Variants in ZDHHC13 observed in about 807,000 individuals in gnomAD.
ZDHHC13 encodes the protein zDHHC palmitoyltransferase 13, also known as palmitoyltransferase ZDHHC13.
In ZDHHC13, 85 loss-of-function variants were observed where a neutral mutation model predicts 86.0. The observed-to-expected ratio is 0.99, with a 90% CI of 0.83 to 1.18. The LOEUF (loss-of-function observed/expected upper bound fraction) is 1.18. Among genes scored for constraint, ZDHHC13 ranks in the 50% most tolerant of loss-of-function variants. ZDHHC13 has a pLI of 0.00. For synonymous variants in ZDHHC13, 263 were observed against 246.4 expected (o/e 1.07, Z -0.63); for missense variants, 711 against 730.2 (o/e 0.97, Z 0.30).
At chr11:19,168,786 T>A (rs1429763184) in intron 14 of ZDHHC13, 1 of 985,204 alleles carries the variant, frequency 1.0e-6, no homozygotes, top group Non-Finnish European at 1.2e-6. Context: ...CAATAGCTGC[T>A]ACTTCTGTAC....
rs1848663709 is a variant in ZDHHC13 at position 19,117,259 on chromosome 11, C to T, written c.10C>T (p.Pro4Ser). 6.6e-7 allele frequency: 1 copy of T among 1,505,226 alleles called. No individual in the cohort carries two copies. Among genetic ancestry groups the T allele is most frequent in the Non-Finnish European group, 8.9e-7 (1 of 1,127,776 alleles). 93.2% of individuals were successfully genotyped at this position (1,505,226 alleles called of 1,614,324 possible). Reference sequence around the variant, plus strand: ...GTGGGCTCCTGGGGAGATGGAGGGGCCGGGGCTGGGCTCGCAGGTGAGTGC... The same window carrying T: ...GTGGGCTCCTGGGGAGATGGAGGGGTCGGGGCTGGGCTCGCAGGTGAGTGC... The part of the protein sequence containing the change: MEG[P>S]GLGSQCRNHS... The change falls in exon 1 of 17, where the codon CCG becomes TCG. Residue 4 changes from proline to serine, a missense_variant. Coordinates refer to ENST00000446113, the MANE Select transcript of ZDHHC13 (RefSeq NM_019028.3). This position sits in a 1 kb window ranked among gnomAD's most constrained non-coding sequence, Gnocchi z 4.2.
chr11:19,138,566 G>A (rs1367040561), intron 1 of ZDHHC13, among the ~76,000 whole-genome samples: 1 of 151,906 alleles, frequency 6.6e-6, no homozygotes, highest in South Asian at 2.1e-4. Flanking sequence ...CATTTTGTGA[G>A]GCCAGCATCA....
chr11:19,147,510 T>G, intron 3 of ZDHHC13, 86 bp from the exon 4 acceptor site: 1 of 1,170,616 alleles, frequency 8.5e-7, no homozygotes, highest in South Asian at 1.5e-5. Context: ...CCAACATATT[T>G]ATTACTATGA....
At chr11:19,171,889 G>T (rs1180786943) in intron 15 of ZDHHC13, among the ~76,000 whole-genome samples, 1 of 152,068 alleles carries the variant, frequency 6.6e-6, no homozygotes, top group Non-Finnish European at 1.5e-5. Context: ...GAGCGCTCTG[G>T]GTAGTCGTGG....
chr11:19,153,904 G>A (rs1430653609), intron 8 of ZDHHC13, among the ~76,000 whole-genome samples: 4 of 151,318 alleles, frequency 2.6e-5, no homozygotes, highest in Non-Finnish European at 5.9e-5. Context: ...TTAGAAAGAC[G>A]GGTTAACTAG....
Position 19,172,747 on chromosome 11 carries a change from C to A in ZDHHC13, c.1657C>A (p.His553Asn). 6.2e-7 allele frequency: 1 copy of A among 1,604,166 alleles called. No homozygotes were observed. Among genetic ancestry groups the A allele is most frequent in the South Asian group, 1.1e-5 (1 of 88,722 alleles). The change falls in exon 16 of 17, where the codon CAT (histidine) becomes AAT (asparagine). Residue 553 changes from histidine (H) to asparagine (N), a missense_variant. Transcript: ENST00000446113. ...GATTGCCTTTCTGGGCCTGACCTCC[C>A]ATGAGAGAATCAGCCTGCAGAAGCA... ...FQIAFLGLTS[H>N]ERISLQKQSK...
intron 1 of ZDHHC13, among the ~76,000 whole-genome samples, chr11:19,128,340 G>A (rs1241893929): frequency 6.6e-6 from 1 of 152,150 alleles, no homozygotes; most frequent in African/African-American, 2.4e-5. Flanking sequence ...TGCTGAAGGA[G>A]CTCTTGGGCC....
intron 9 of ZDHHC13, among the ~76,000 whole-genome samples, chr11:19,158,341 A>T (rs1590084568): frequency 6.6e-6 from 1 of 152,178 alleles, no homozygotes; most frequent in East Asian, 1.9e-4. Context: ...GATAAATTAC[A>T]TGTGAACCTC....
Position 19,155,840 on chromosome 11 carries a change from T to C in ZDHHC13, c.918T>C (p.Ile306=). Residue 306 remains isoleucine, a synonymous_variant, in exon 9 of 17, where the codon ATT becomes ATC. Transcript: ENST00000446113. Reference sequence around the variant, plus strand: ...TTTCTGTGATTACCATGTGGGCTATTGGATACATATTGGACTTCAATTCAG... The same window carrying C: ...TTTCTGTGATTACCATGTGGGCTATCGGATACATATTGGACTTCAATTCAG... ...LMLSVITMWA[I]GYILDFNSDS... 1 of 1,613,278 alleles carries C rather than the reference T, an allele frequency of 6.2e-7. No individual in the cohort carries two copies. Among genetic ancestry groups the C allele is most frequent in the Non-Finnish European group, 8.5e-7 (1 of 1,179,788 alleles).
chr11:19,135,023 C>G lies in ZDHHC13; in HGVS notation c.28-7955C>G, dbSNP rs114830625. Among the ~76,000 whole-genome samples the G allele has an allele frequency of 8.1e-3, 1,238 of 152,208 alleles. 12 individuals are homozygous for G. The highest frequency in any genetic ancestry group is 0.028 in the African/African-American group (1,177 of 41,536). ...CTCCAGCGTGGGCAACAGAGGAAGA[C>G]CCCCTCCCAATAAATAAATACATCT... is the stretch of plus-strand genomic sequence containing the variant. On this transcript the variant is annotated intron_variant, in intron 1 of 16. Coordinates refer to ENST00000446113, the MANE Select transcript of ZDHHC13 (RefSeq NM_019028.3).
intron 3 of ZDHHC13, among the ~76,000 whole-genome samples, chr11:19,146,942 C>T (rs1849482878): frequency 6.6e-6 from 1 of 152,118 alleles, no homozygotes; most frequent in Non-Finnish European, 1.5e-5. Context: ...GCAAACTCCT[C>T]TTCTGTGGAA....
intron 5 of ZDHHC13, 80 bp downstream of exon 5, chr11:19,149,411 C>A: frequency 7.5e-7 from 1 of 1,325,102 alleles, no homozygotes; most frequent in Non-Finnish European, 9.9e-7. Flanking sequence ...AGTCTCTTCT[C>A]ATTTTTAAAG....
In ZDHHC13 at chr11:19,175,891, G is replaced by A. The variant is rs1432985919; in HGVS notation, c.1800G>A (p.Val600=). 2 of 1,613,338 alleles carry A rather than the reference G, an allele frequency of 1.2e-6. No homozygotes were observed. The highest frequency in any genetic ancestry group is 2.7e-5 in the African/African-American group (2 of 74,798). Residue 600 remains valine (V), a synonymous_variant, in exon 17 of 17, where the codon GTG becomes GTA. Coordinates refer to ENST00000446113, the MANE Select transcript of ZDHHC13 (RefSeq NM_019028.3). ...GCTTTGGCTTGGTGAAGCCCTGTGT[G>A]GTAGATTGGACATCACAGTACACCA... ...CGCFGLVKPC[V]VDWTSQYTMV...
intron 1 of ZDHHC13, among the ~76,000 whole-genome samples, chr11:19,125,946 G>A (rs1396269621): frequency 1.3e-5 from 2 of 152,076 alleles, no homozygotes; most frequent in East Asian, 3.8e-4. Context: ...GGGTATGACT[G>A]CAAAGGATGA....
At chr11:19,169,342 G>T in intron 14 of ZDHHC13, 1 of 985,398 alleles carries the variant, frequency 1.0e-6, no homozygotes, top group Non-Finnish European at 1.2e-6. Flanking sequence ...AACCTTGATT[G>T]CTACTCTGTG....
rs555200307 is a variant in ZDHHC13, at chr11:19,169,810, T to A, written c.1475-601T>A. On this transcript the variant is annotated intron_variant, in intron 14 of 16. Transcript: ENST00000446113. The stretch of plus-strand genomic sequence containing the variant: ...GGGGAGAAACTGAGCTGTGACCATC[T>A]GAATCTTGCTCTATATTCTTTTCCC... The A allele has an allele frequency of 1.0e-4, 99 of 985,606 alleles. 1 individual carries two copies. The South Asian group carries it at 4.3e-3, about 43-fold the overall frequency. The allele number at this position is 985,606 out of a possible 1,614,324, so 61.1% of individuals were successfully genotyped here. A position where few individuals can be genotyped will look rare whatever the true frequency, so the allele number is the denominator to read the frequency against.
chr11:19,167,264 G>A (rs577347070), intron 14 of ZDHHC13: 1 of 152,234 alleles, frequency 6.6e-6, no homozygotes, highest in East Asian at 1.9e-4. Flanking sequence ...TACCAGTAGG[G>A]TACTAGTTTG....
In ZDHHC13 at chr11:19,175,813, T is replaced by TTTTTTTTTTTTTTG; in HGVS notation, c.1731-9_1731-8insTTTTTTTTTTTTTG. ...GTAAGACATGTTCTCTTTTTTTTTT[T>TTTTTTTTTTTTTTG]CTTGGCAGTCTTGGATTCATGCAGA... On this transcript the variant is annotated splice_polypyrimidine_tract_variant and intron_variant, in intron 16 of 16. Coordinates refer to ENST00000446113, the MANE Select transcript of ZDHHC13 (RefSeq NM_019028.3). The TTTTTTTTTTTTTTG allele has an allele frequency of 6.2e-7, 1 of 1,604,590 alleles. No homozygotes were observed.
At chr11:19,147,779 C>CG (rs1849506253) in intron 4 of ZDHHC13, 106 bp downstream of exon 4, 2 of 762,606 alleles carry the variant, frequency 2.6e-6, no homozygotes, top group Non-Finnish European at 3.8e-6. Flanking sequence ...TCTTCCCCCC[C>CG]CCCCTTTATT....
Sources: allele counts gnomAD v4.1 joint callset (sites outside exome capture counted in the v4.1 genomes callset), GRCh38; gene constraint gnomAD v4.1.1; non-coding constraint Gnocchi (gnomAD v3.1); transcripts MANE v1.5; gene names NCBI Gene and HGNC (gene_info 2026-07-23, HGNC 2026-07-21).